The following ARHGEF7 variants were observed in gnomAD, a reference collection of about 807,000 sequenced individuals.
ARHGEF7 encodes the protein PAK-interacting exchange factor beta.
A neutral mutation model predicts 109.8 loss-of-function variants in ARHGEF7; 33 were observed. The ratio of observed to expected loss-of-function variants is 0.30; its 90% confidence interval spans 0.23 to 0.40. The LOEUF is 0.40. Among genes scored for constraint, ARHGEF7 ranks in the 10% least tolerant of loss-of-function variants. The pLI is 1.00. For synonymous variants in ARHGEF7, 458 were observed against 424.6 expected, an observed-to-expected ratio of 1.08 and a Z score of -0.97; for missense variants, 938 against 1,098.5, an observed-to-expected ratio of 0.85 and a Z score of 2.07.
chr13:111,188,612 ACAG>A (rs148899994), intron 2 of ARHGEF7, among the ~76,000 whole-genome samples: 2,857 of 152,288 alleles, frequency 0.019, 95 homozygotes, highest in African/African-American at 0.065. Flanking sequence ...TTTCTGTAAA[ACAG>A]CAGCCGTTAG....
At position 111,133,799 on chromosome 13, in the gene ARHGEF7, A is replaced by G. The variant is rs1173314572; in HGVS notation, c.165+18108A>G. Among the ~76,000 whole-genome samples the G allele has an allele frequency of 7.7e-3, 293 of 37,816 alleles. 11 individuals are homozygous for G. The highest frequency in any genetic ancestry group is 0.019 in the African/African-American group (278 of 14,784). The allele number at this position is 37,816 out of a possible 152,430, so 24.8% of individuals were successfully genotyped here. ...TATATATATATATATATATATATATATATATATATATATATTTATTATACT... is the reference window on the plus strand; with the variant it reads ...TATATATATATATATATATATATATGTATATATATATATATTTATTATACT... On this transcript the variant is annotated intron_variant, in intron 1 of 21. Coordinates refer to ENST00000646102, the MANE Select transcript of ARHGEF7 (RefSeq NM_001354046.2).
At chr13:111,271,444 G>T (rs1366493676) in intron 9 of ARHGEF7, among the ~76,000 whole-genome samples, 1 of 152,222 alleles carries the variant, frequency 6.6e-6, no homozygotes, top group Non-Finnish European at 1.5e-5. Context: ...TGTCAATGCA[G>T]CCTGTACGGT....
At chr13:111,251,481 G>C (rs1000360444) in intron 8 of ARHGEF7, among the ~76,000 whole-genome samples, 1 of 152,208 alleles carries the variant, frequency 6.6e-6, no homozygotes, top group Admixed American at 6.5e-5. Flanking sequence ...AAAAGGAACC[G>C]TATGCTCTGT....
chr13:111,166,174 T>C (rs1352018514), intron 2 of ARHGEF7, among the ~76,000 whole-genome samples: 2 of 152,218 alleles, frequency 1.3e-5, no homozygotes, highest in Non-Finnish European at 2.9e-5. Flanking sequence ...TTCTCCAGAC[T>C]GTTTTTTTCT....
At chr13:111,227,611 G>A (rs990982082) in intron 5 of ARHGEF7, among the ~76,000 whole-genome samples, 3 of 152,146 alleles carry the variant, frequency 2.0e-5, no homozygotes, top group Admixed American at 6.5e-5. Flanking sequence ...AAACAAATTT[G>A]TGTGACTCAC....
intron 5 of ARHGEF7, among the ~76,000 whole-genome samples, chr13:111,232,819 C>T (rs1052244781): frequency 6.6e-6 from 1 of 152,102 alleles, no homozygotes; most frequent in Non-Finnish European, 1.5e-5. Flanking sequence ...AACTTTTAGC[C>T]CTGATGTTTT....
At chr13:111,245,614 C>T (rs918730865) in intron 8 of ARHGEF7, among the ~76,000 whole-genome samples, 2 of 152,074 alleles carry the variant, frequency 1.3e-5, no homozygotes, top group African/African-American at 2.4e-5. Context: ...TTCTGATGGC[C>T]GGCCACTACG....
At chr13:111,188,817 T>A (rs1269998173) in intron 2 of ARHGEF7, among the ~76,000 whole-genome samples, 1 of 152,250 alleles carries the variant, frequency 6.6e-6, no homozygotes, top group Non-Finnish European at 1.5e-5. Context: ...GTGACCTAAC[T>A]GCTTCACTTA....
intron 9 of ARHGEF7, among the ~76,000 whole-genome samples, chr13:111,271,290 G>A (rs143730703): frequency 5.8e-4 from 89 of 152,272 alleles, no homozygotes; most frequent in African/African-American, 2.0e-3. Context: ...TGGCTGTAGT[G>A]GCTGCAGCAG....
At chr13:111,127,502 TA>T (rs2067647424) in intron 1 of ARHGEF7, among the ~76,000 whole-genome samples, 1 of 151,650 alleles carries the variant, frequency 6.6e-6, no homozygotes, top group Admixed American at 6.6e-5. Flanking sequence ...CAAAAAATTT[TA>T]AAAATTAGCT....
chr13:111,275,443 T>C (rs2092421283), intron 11 of ARHGEF7, 89 bp from the exon 12 acceptor site: 4 of 1,388,978 alleles, frequency 2.9e-6, no homozygotes, highest in Admixed American at 3.6e-5. Context: ...AAAGCAATAA[T>C]TGTCTTAAGG....
rs1343852728 is a variant in ARHGEF7, at chr13:111,221,378, T to G, written c.670+3498T>G. Among the ~76,000 whole-genome samples, 27 of 37,098 alleles carry G rather than the reference T, an allele frequency of 7.3e-4. 8 individuals are homozygous for G. Among genetic ancestry groups the G allele is most frequent in the African/African-American group, 2.1e-3 (27 of 12,780 alleles). The allele number at this position is 37,098 out of a possible 152,430, so 24.3% of individuals were successfully genotyped here. A position where few individuals can be genotyped will look rare whatever the true frequency, so the allele number is the denominator to read the frequency against. Reference sequence around the variant, plus strand: ...CTATATATATATCTATATATATATCTATATATATAGATGTCTATATATCTA... The same window carrying G: ...CTATATATATATCTATATATATATCGATATATATAGATGTCTATATATCTA... On this transcript the variant is annotated intron_variant, in intron 5 of 21. Transcript: ENST00000646102.
chr13:111,226,717 A>G (rs917130976), intron 5 of ARHGEF7, among the ~76,000 whole-genome samples: 1 of 152,244 alleles, frequency 6.6e-6, no homozygotes. Flanking sequence ...CACAGCATCC[A>G]TACTGCAGCT....
chr13:111,152,663 G>A (rs1168327298), intron 1 of ARHGEF7, among the ~76,000 whole-genome samples: 1 of 152,156 alleles, frequency 6.6e-6, no homozygotes, highest in Non-Finnish European at 1.5e-5. Flanking sequence ...CAGTACAGAA[G>A]GACAAAAATG....
rs1017284513 is a variant in ARHGEF7 at position 111,258,727 on chromosome 13, G to A, written c.951-8821G>A. 3.9e-5 allele frequency among the ~76,000 whole-genome samples: 6 copies of A among 152,068 alleles called. No homozygotes were observed. Among genetic ancestry groups the A allele is most frequent in the South Asian group, 2.1e-4 (1 of 4,830 alleles). ...AGGAGAGGAGACTTTGTCTTGCAGC[G>A]TAGGTATCTGCCCAGCCACAGTGAG... On this transcript the variant is annotated intron_variant, in intron 8 of 21. Transcript: ENST00000646102. The surrounding 1 kb of genome is among the most constrained non-coding windows in gnomAD (Gnocchi z 4.4).
At chr13:111,207,613 A>G (rs2082046850) in intron 3 of ARHGEF7, among the ~76,000 whole-genome samples, 1 of 152,236 alleles carries the variant, frequency 6.6e-6, no homozygotes, top group South Asian at 2.1e-4. Context: ...AGAAGATAGT[A>G]ACTTTGAATT....
intron 13 of ARHGEF7, among the ~76,000 whole-genome samples, chr13:111,279,707 A>G (rs962978067): frequency 6.6e-6 from 1 of 152,084 alleles, no homozygotes; most frequent in Admixed American, 6.5e-5. Context: ...GCAGTTACCG[A>G]TTTCTTCTGT....
At chr13:111,180,813 G>A (rs1332750787) in intron 2 of ARHGEF7, among the ~76,000 whole-genome samples, 1 of 152,204 alleles carries the variant, frequency 6.6e-6, no homozygotes, top group Non-Finnish European at 1.5e-5. Flanking sequence ...ATATACTGTA[G>A]TGTCCATAAT....
At chr13:111,201,400 T>G (rs779815999) in intron 2 of ARHGEF7, among the ~76,000 whole-genome samples, 1 of 152,170 alleles carries the variant, frequency 6.6e-6, no homozygotes, top group Non-Finnish European at 1.5e-5. Context: ...AGAAACGAGG[T>G]CCAGTAAACA....
Sources: allele counts gnomAD v4.1 joint callset (sites outside exome capture counted in the v4.1 genomes callset), GRCh38; gene constraint gnomAD v4.1.1; non-coding constraint Gnocchi (gnomAD v3.1); transcripts MANE v1.5; gene names NCBI Gene and HGNC (gene_info 2026-07-23, HGNC 2026-07-21).